Variants in ARID1A observed in about 807,000 individuals in gnomAD.
ARID1A encodes AT-rich interaction domain 1A.
ARID1A carries 20 observed loss-of-function variants against 212.6 expected under a neutral mutation model. The observed-to-expected ratio is 0.09, with a 90% CI of 0.07 to 0.14. The LOEUF (loss-of-function observed/expected upper bound fraction) is 0.14, where lower values mean the gene tolerates loss of function less well. ARID1A is among the 10% of genes least tolerant of loss of function. ARID1A has a pLI of 1.00. For synonymous variants in ARID1A, 1,376 were observed against 1,222.1 expected (o/e 1.13, Z -2.63); for missense variants, 2,587 against 3,059.0 (o/e 0.85, Z 3.64).
chr1:26,749,281 C>G (rs2124010225), intron 4 of ARID1A, among the ~76,000 whole-genome samples: 1 of 152,220 alleles, frequency 6.6e-6, no homozygotes, highest in African/African-American at 2.4e-5. Flanking sequence ...GAGCTGGTGC[C>G]TAGAATTTCT....
chr1:26,701,402 TATC>T (rs1320043299), intron 1 of ARID1A, among the ~76,000 whole-genome samples: 2 of 152,196 alleles, frequency 1.3e-5, no homozygotes, highest in African/African-American at 4.8e-5. Flanking sequence ...GATTGGTCAT[TATC>T]ATTACTGACG....
At chr1:26,754,159 G>A (rs1015114876) in intron 4 of ARID1A, among the ~76,000 whole-genome samples, 4 of 152,258 alleles carry the variant, frequency 2.6e-5, no homozygotes, top group Admixed American at 2.0e-4. Flanking sequence ...GAACTGTTAG[G>A]AACATTGAGG....
At chr1:26,697,711 C>T (rs1021864444) in intron 1 of ARID1A, among the ~76,000 whole-genome samples, 171 bp downstream of exon 1, 11 of 152,104 alleles carry the variant, frequency 7.2e-5, no homozygotes, top group African/African-American at 1.2e-4. Flanking sequence ...CTGCCTTCCT[C>T]TCCTTCCCTC....
intron 1 of ARID1A, among the ~76,000 whole-genome samples, chr1:26,716,947 G>C (rs1223160326): frequency 6.6e-6 from 1 of 152,078 alleles, no homozygotes; most frequent in Non-Finnish European, 1.5e-5. Context: ...TCTTTTTGTG[G>C]TGCTATATTG....
chr1:26,761,195 C>T (rs2124058201), intron 5 of ARID1A, 99 bp downstream of exon 5: 3 of 1,530,702 alleles, frequency 2.0e-6, no homozygotes, highest in East Asian at 2.3e-5. Context: ...GCATCTCTGG[C>T]TCATGCCTGC....
At chr1:26,754,955 C>T (rs1435961041) in intron 4 of ARID1A, among the ~76,000 whole-genome samples, 4 of 152,166 alleles carry the variant, frequency 2.6e-5, no homozygotes, top group Non-Finnish European at 4.4e-5. Context: ...CCCACCACTA[C>T]AAAAATACAA....
At chr1:26,708,985 G>A (rs1199184485) in intron 1 of ARID1A, among the ~76,000 whole-genome samples, 3 of 152,096 alleles carry the variant, frequency 2.0e-5, no homozygotes, top group Admixed American at 6.5e-5. Context: ...GTGAGCCACC[G>A]CGCCCAGCGG....
chr1:26,743,725 G>A (rs200803477), intron 4 of ARID1A, among the ~76,000 whole-genome samples: 2 of 150,874 alleles, frequency 1.3e-5, no homozygotes, highest in Non-Finnish European at 3.0e-5. Flanking sequence ...CCAGCTACTC[G>A]GGAGGCTGAG....
intron 8 of ARID1A, among the ~76,000 whole-genome samples, 159 bp downstream of exon 8, chr1:26,763,444 C>T (rs2081010948): frequency 6.6e-6 from 1 of 152,180 alleles, no homozygotes; most frequent in Non-Finnish European, 1.5e-5. Context: ...TGAAATTTCA[C>T]GTGACTAAAC....
At chr1:26,739,407 G>A (rs896305419) in intron 4 of ARID1A, among the ~76,000 whole-genome samples, 3 of 152,112 alleles carry the variant, frequency 2.0e-5, no homozygotes, top group Non-Finnish European at 2.9e-5. Flanking sequence ...TGGGACCTAA[G>A]AATTTGCATT....
At chr1:26,738,212 C>T (rs1271448079) in intron 4 of ARID1A, among the ~76,000 whole-genome samples, 3 of 151,920 alleles carry the variant, frequency 2.0e-5, no homozygotes, top group African/African-American at 7.3e-5. Flanking sequence ...TTAATAGAGA[C>T]GAGGTTTCAC....
At chr1:26,756,543 C>CA (rs773719652) in intron 4 of ARID1A, among the ~76,000 whole-genome samples, 2 of 147,386 alleles carry the variant, frequency 1.4e-5, no homozygotes, top group East Asian at 4.2e-4. Context: ...GTGACAGACC[C>CA]AGACCGAGAC....
chr1:26,715,851 A>C (rs78533482), intron 1 of ARID1A, among the ~76,000 whole-genome samples: 8,329 of 151,942 alleles, frequency 0.055, 313 homozygotes, highest in Non-Finnish European at 0.08. Flanking sequence ...AAAAAAAAAA[A>C]CATAAAATAG....
At position 26,696,835 on chromosome 1, in the gene ARID1A, GC is replaced by G; in HGVS notation, c.437del (p.Pro146GlnfsTer86). 1 of 1,337,074 alleles carries G rather than the reference GC, an allele frequency of 7.5e-7. No homozygotes were observed. The highest frequency in any genetic ancestry group is 2.0e-5 in the South Asian group (1 of 49,224). 82.8% of individuals were successfully genotyped at this position (1,337,074 alleles called of 1,614,324 possible). A position where few individuals can be genotyped will look rare whatever the true frequency, so the allele number is the denominator to read the frequency against. ...CTCACTCAGCCGCGGCCGCCTTGCC[GC>G]CCCCAGCCTACGGCTTCGGGCAACC... The part of the protein sequence containing the change: ...PPHSAAAALP[P>X]PAYGFGQPYG... On this transcript the variant is annotated frameshift_variant, in exon 1 of 20. Coordinates refer to ENST00000324856, the MANE Select transcript of ARID1A (RefSeq NM_006015.6). LOFTEE classifies it high-confidence loss of function.
intron 2 of ARID1A, 41 bp from the exon 3 acceptor site, chr1:26,731,111 C>T (rs2124787594): frequency 6.4e-7 from 1 of 1,566,460 alleles, no homozygotes; most frequent in Non-Finnish European, 8.8e-7. Flanking sequence ...TTTCCTCATG[C>T]AGGAGAGTCA....
At position 26,773,348 on chromosome 1, in the gene ARID1A, C is replaced by T. The variant is rs754281907; in HGVS notation, c.3718C>T (p.Pro1240Ser). The part of the protein sequence containing the change: ...KDPYGSMRKA[P>S]GSDPFMSSGQ... ...ACCGCTTGCCTTTCTACGCTCAGCT[C>T]CAGGGAGTGATCCCTTCATGTCCTC... Residue 1240 changes from proline (P) to serine (S), a missense_variant and splice_region_variant, in exon 15 of 20, where the codon CCA (proline) becomes TCA (serine). Physicochemically the swap from Pro to Ser is moderately conservative, Grantham distance 74. This residue lies in a region of ARID1A where 890 missense variants were observed against 1,098.2 expected (regional missense o/e 0.81). Transcript: ENST00000324856. 6.3e-7 allele frequency: 1 copy of T among 1,583,882 alleles called. No individual in the cohort carries two copies. The highest frequency in any genetic ancestry group is 8.6e-7 in the Non-Finnish European group (1 of 1,166,538).
At chr1:26,730,957 C>G (rs1412330298) in intron 2 of ARID1A, among the ~76,000 whole-genome samples, 195 bp from the exon 3 acceptor site, 1 of 152,096 alleles carries the variant, frequency 6.6e-6, no homozygotes, top group Non-Finnish European at 1.5e-5. Flanking sequence ...GTAAACAAAC[C>G]ACCTAAAAAC....
Position 26,732,765 on chromosome 1 carries a change from C to T in ARID1A, c.1893C>T (p.Ser631=), listed in dbSNP as rs1000300865. Residue 631 remains serine, a synonymous_variant, in exon 4 of 20, where the codon AGC becomes AGT. Coordinates refer to ENST00000324856, the MANE Select transcript of ARID1A (RefSeq NM_006015.6). ...SKGGQEDMNL[S]LQSRPSSLPD... Reference sequence around the variant, plus strand: ...GAGGGCAAGAAGATATGAACCTGAGCCTTCAGTCAAGACCCTCCAGCTTGC... The same window carrying T: ...GAGGGCAAGAAGATATGAACCTGAGTCTTCAGTCAAGACCCTCCAGCTTGC... The T allele has an allele frequency of 1.2e-6, 2 of 1,614,006 alleles. No homozygotes were observed. The highest frequency in any genetic ancestry group is 3.3e-5 in the Admixed American group (2 of 60,014).
chr1:26,780,996 AC>A lies in ARID1A; in HGVS notation c.*243del, dbSNP rs1408417706. On this transcript the variant is annotated 3_prime_UTR_variant, in exon 20 of 20. Coordinates refer to ENST00000324856, the MANE Select transcript of ARID1A (RefSeq NM_006015.6). The surrounding 1 kb of genome is among the most constrained non-coding windows in gnomAD (Gnocchi z 7.2). ...CTTACTCCCCTCAGGACCCTACCCCACCCTCTTTGAAAAGACAAAGCTCTGC... is the reference window on the plus strand; with the variant it reads ...CTTACTCCCCTCAGGACCCTACCCCACCTCTTTGAAAAGACAAAGCTCTGC... 4.8e-6 allele frequency: 2 copies of A among 420,776 alleles called. No homozygotes were observed. Among genetic ancestry groups the A allele is most frequent in the Non-Finnish European group, 8.2e-6 (2 of 242,598 alleles). The allele number at this position is 420,776 out of a possible 1,614,324, so 26.1% of individuals were successfully genotyped here. A position where few individuals can be genotyped will look rare whatever the true frequency, so the allele number is the denominator to read the frequency against.
Sources: gnomAD v4.1 joint callset for allele counts (sites outside exome capture counted in the v4.1 genomes callset) on GRCh38, gnomAD v4.1.1 for gene constraint, gnomAD v4.1.1 regional missense constraint, Gnocchi (gnomAD v3.1) non-coding constraint, MANE v1.5 for transcripts, NCBI Gene and HGNC (gene_info 2026-07-23, HGNC 2026-07-21) for gene names.